Variants in RGL1 observed in about 807,000 individuals in gnomAD.
RGL1 encodes ral guanine nucleotide dissociation stimulator-like 1.
RGL1 carries 24 observed loss-of-function variants against 95.2 expected under a neutral mutation model. The ratio of observed to expected loss-of-function variants is 0.25; its 90% CI spans 0.18 to 0.35. RGL1 has a LOEUF of 0.35. Among genes scored for constraint, RGL1 ranks in the 10% least tolerant of loss-of-function variants. The pLI is 1.00. For synonymous variants in RGL1, 329 were observed against 344.9 expected, an observed-to-expected ratio of 0.95 and a Z score of 0.51; for missense variants, 715 against 936.3, an observed-to-expected ratio of 0.76 and a Z score of 3.08.
chr1:183,738,357 G>A (rs1190436365), intron 1 of RGL1, among the ~76,000 whole-genome samples: 1 of 151,826 alleles, frequency 6.6e-6, no homozygotes, highest in African/African-American at 2.4e-5. Flanking sequence ...GGAGGCAGAG[G>A]TTGCAGTAAG....
intron 14 of RGL1, among the ~76,000 whole-genome samples, chr1:183,908,039 T>G (rs1668438919): frequency 6.6e-6 from 1 of 152,006 alleles, no homozygotes; most frequent in African/African-American, 2.4e-5. Context: ...AATATATATA[T>G]ATATTTATAC....
At chr1:183,668,889 T>C (rs990509815) in intron 1 of RGL1, among the ~76,000 whole-genome samples, 2 of 151,738 alleles carry the variant, frequency 1.3e-5, no homozygotes, top group African/African-American at 4.8e-5. Context: ...CTGTTATGAG[T>C]TTTTATTTTC....
chr1:183,723,746 G>T (rs1202971399), intron 1 of RGL1, among the ~76,000 whole-genome samples: 1 of 152,170 alleles, frequency 6.6e-6, no homozygotes, highest in African/African-American at 2.4e-5. Context: ...CATAAGGACT[G>T]CAACTCCTAG....
intron 2 of RGL1, among the ~76,000 whole-genome samples, chr1:183,819,453 C>T (rs1383606602): frequency 1.3e-5 from 2 of 152,184 alleles, no homozygotes; most frequent in Admixed American, 1.3e-4. Flanking sequence ...TTCCCTTGCT[C>T]TCTGGCCCTC....
intron 1 of RGL1, among the ~76,000 whole-genome samples, chr1:183,673,769 C>T (rs898300684): frequency 6.6e-6 from 1 of 152,226 alleles, no homozygotes; most frequent in African/African-American, 2.4e-5. Flanking sequence ...TGGCCATGCC[C>T]TACCCTTTGG....
At chr1:183,848,240 A>G (rs1051374275) in intron 3 of RGL1, among the ~76,000 whole-genome samples, 1 of 152,156 alleles carries the variant, frequency 6.6e-6, no homozygotes, top group South Asian at 2.1e-4. Context: ...ATAACTATTA[A>G]CAGTCAGCAT....
chr1:183,682,319 TC>T (rs1399194429), intron 1 of RGL1, among the ~76,000 whole-genome samples: 6 of 152,246 alleles, frequency 3.9e-5, no homozygotes, highest in Non-Finnish European at 5.9e-5. Flanking sequence ...GCTATTAATT[TC>T]CCTCTACACA....
At chr1:183,664,587 T>A (rs963567560) in intron 1 of RGL1, among the ~76,000 whole-genome samples, 4 of 147,014 alleles carry the variant, frequency 2.7e-5, no homozygotes, top group Non-Finnish European at 6.1e-5. Flanking sequence ...TTTTTTTTTT[T>A]AATGCCATAA....
At chr1:183,856,869 G>A (rs1391409507) in intron 3 of RGL1, among the ~76,000 whole-genome samples, 1 of 152,020 alleles carries the variant, frequency 6.6e-6, no homozygotes, top group Non-Finnish European at 1.5e-5. Flanking sequence ...AAGGTCTCAG[G>A]CTCTTGCTGG....
chr1:183,671,269 C>CATATCAG (rs11283446), intron 1 of RGL1, among the ~76,000 whole-genome samples: 12,788 of 151,800 alleles, frequency 0.084, 1,031 homozygotes, highest in African/African-American at 0.21. Flanking sequence ...AAAGCCTAAC[C>CATATCAG]ATATTATGAA....
chr1:183,758,768 C>A (rs1658499004), intron 2 of RGL1, among the ~76,000 whole-genome samples: 1 of 152,168 alleles, frequency 6.6e-6, no homozygotes, highest in African/African-American at 2.4e-5. Context: ...TGTTTTCAAC[C>A]TAACAAAGTT....
intron 1 of RGL1, among the ~76,000 whole-genome samples, chr1:183,714,756 G>A (rs1235454872): frequency 6.6e-6 from 1 of 152,180 alleles, no homozygotes; most frequent in African/African-American, 2.4e-5. Context: ...AGGCCAGAAA[G>A]AAGAGTATAG....
intron 2 of RGL1, among the ~76,000 whole-genome samples, chr1:183,767,822 G>T (rs1334374179): frequency 6.6e-6 from 1 of 151,976 alleles, no homozygotes; most frequent in Non-Finnish European, 1.5e-5. Context: ...GTGTGGTGGT[G>T]TACACCTGGA....
chr1:183,835,391 G>GA (rs1663576054), intron 2 of RGL1, among the ~76,000 whole-genome samples: 1 of 150,902 alleles, frequency 6.6e-6, no homozygotes, highest in Non-Finnish European at 1.5e-5. Context: ...TAGCAGGTAG[G>GA]AAAATTATTT....
chr1:183,728,189 A>G (rs1656420248), intron 1 of RGL1, among the ~76,000 whole-genome samples: 1 of 152,198 alleles, frequency 6.6e-6, no homozygotes, highest in South Asian at 2.1e-4. Context: ...TGGAACGTAT[A>G]TCATCAGTTC....
At chr1:183,676,140 C>T (rs1168122407) in intron 1 of RGL1, among the ~76,000 whole-genome samples, 2 of 151,728 alleles carry the variant, frequency 1.3e-5, no homozygotes, top group African/African-American at 4.9e-5. Context: ...GAGACTCTGT[C>T]TCTAAAAACA....
At chr1:183,741,143 G>A (rs1657274782) in intron 1 of RGL1, among the ~76,000 whole-genome samples, 1 of 152,162 alleles carries the variant, frequency 6.6e-6, no homozygotes, top group Non-Finnish European at 1.5e-5. Flanking sequence ...GCATGCATGA[G>A]GTGGGAGAAG....
intron 4 of RGL1, among the ~76,000 whole-genome samples, chr1:183,873,638 A>G (rs1666315520): frequency 1.3e-5 from 2 of 152,360 alleles, no homozygotes; most frequent in South Asian, 4.1e-4. Flanking sequence ...GCGGAAGTAC[A>G]TGAAGAACTA....
At chr1:183,785,336 G>T (rs146097463) in intron 2 of RGL1, among the ~76,000 whole-genome samples, 3 of 152,024 alleles carry the variant, frequency 2.0e-5, no homozygotes, top group Admixed American at 6.6e-5. Flanking sequence ...CCATTCCTTC[G>T]CTTGAACTGA....
Sources: allele counts gnomAD v4.1 joint callset (sites outside exome capture counted in the v4.1 genomes callset), GRCh38; gene constraint gnomAD v4.1.1; transcripts MANE v1.5; gene names NCBI Gene and HGNC (gene_info 2026-07-23, HGNC 2026-07-21).